The following PCDH9 variants were observed in gnomAD, a reference collection of about 807,000 sequenced individuals.
PCDH9 encodes protocadherin 9.
PCDH9 carries 24 observed loss-of-function variants against 70.6 expected under a neutral mutation model. The observed-to-expected ratio is 0.34, with a 90% CI of 0.25 to 0.48. The LOEUF (loss-of-function observed/expected upper bound fraction) is 0.48. Among genes scored for constraint, PCDH9 ranks in the 20% least tolerant of loss-of-function variants. PCDH9 has a pLI of 0.99. For missense variants in PCDH9, 1,281 were observed against 1,503.6 expected (o/e 0.85, Z 2.45); for synonymous variants, 562 against 558.5 (o/e 1.01, Z -0.09).
At chr13:67,096,137 C>T (rs2086314664) in intron 2 of PCDH9, among the ~76,000 whole-genome samples, 1 of 152,094 alleles carries the variant, frequency 6.6e-6, no homozygotes, top group African/African-American at 2.4e-5. Context: ...AAAACACTTA[C>T]TTAATATCCA....
At chr13:66,462,120 T>C (rs1449156482) in intron 4 of PCDH9, among the ~76,000 whole-genome samples, 1 of 151,800 alleles carries the variant, frequency 6.6e-6, no homozygotes, top group Non-Finnish European at 1.5e-5. Context: ...ACTATGGAAA[T>C]TGGCAGTGTT....
At chr13:67,132,554 G>C (rs940750637) in intron 2 of PCDH9, among the ~76,000 whole-genome samples, 1 of 152,104 alleles carries the variant, frequency 6.6e-6, no homozygotes, top group Non-Finnish European at 1.5e-5. Context: ...AGGCATGTGT[G>C]TCAAATAGGT....
intron 2 of PCDH9, among the ~76,000 whole-genome samples, chr13:67,053,082 G>A (rs1306974542): frequency 6.6e-6 from 1 of 152,048 alleles, no homozygotes; most frequent in African/African-American, 2.4e-5. Context: ...AGGAGCAGGA[G>A]AGAGCTCAAG....
chr13:67,070,328 C>T (rs2085736034), intron 2 of PCDH9, among the ~76,000 whole-genome samples: 3 of 151,886 alleles, frequency 2.0e-5, no homozygotes, highest in Non-Finnish European at 4.4e-5. Context: ...CTCATTTCAC[C>T]CTCACAGGTT....
intron 2 of PCDH9, among the ~76,000 whole-genome samples, chr13:67,113,491 C>CT (rs896613263): frequency 6.6e-6 from 1 of 152,010 alleles, no homozygotes; most frequent in African/African-American, 2.4e-5. Context: ...TTAATAATTA[C>CT]TTTTTTTCCC....
chr13:67,130,473 T>C (rs546232290), intron 2 of PCDH9, among the ~76,000 whole-genome samples: 2 of 152,154 alleles, frequency 1.3e-5, no homozygotes, highest in Admixed American at 1.3e-4. Flanking sequence ...TGCACCATTT[T>C]GTAAGCTCCT....
At chr13:67,005,675 T>C (rs547021273) in intron 2 of PCDH9, among the ~76,000 whole-genome samples, 2 of 152,322 alleles carry the variant, frequency 1.3e-5, no homozygotes, top group East Asian at 3.9e-4. Flanking sequence ...ATTTTAAATA[T>C]CTTCCACAAA....
At chr13:66,946,937 T>A (rs538135413) in intron 2 of PCDH9, among the ~76,000 whole-genome samples, 1 of 152,170 alleles carries the variant, frequency 6.6e-6, no homozygotes, top group African/African-American at 2.4e-5. Flanking sequence ...TCTTTCTTCC[T>A]TAACAAAAAT....
intron 4 of PCDH9, among the ~76,000 whole-genome samples, chr13:66,414,437 G>C (rs868338965): frequency 1.3e-5 from 2 of 152,218 alleles, no homozygotes; most frequent in Non-Finnish European, 1.5e-5. Context: ...GGATAGGAAA[G>C]AGTATGCTCT....
intron 2 of PCDH9, among the ~76,000 whole-genome samples, chr13:67,016,137 G>C (rs2084556272): frequency 6.6e-6 from 1 of 152,094 alleles, no homozygotes; most frequent in Admixed American, 6.6e-5. Context: ...CTTAGCTTTG[G>C]AAGAATTTCA....
At chr13:66,336,822 A>G (rs1471817919) in intron 4 of PCDH9, among the ~76,000 whole-genome samples, 2 of 152,076 alleles carry the variant, frequency 1.3e-5, no homozygotes, top group Non-Finnish European at 2.9e-5. Context: ...GCCCAGAAGC[A>G]TCTTCCTCCT....
At chr13:67,177,563 C>A (rs1465683367) in intron 2 of PCDH9, among the ~76,000 whole-genome samples, 1 of 152,094 alleles carries the variant, frequency 6.6e-6, no homozygotes, top group East Asian at 1.9e-4. Flanking sequence ...ACTCCTCACC[C>A]CATTCCTCTG....
intron 3 of PCDH9, among the ~76,000 whole-genome samples, chr13:66,830,595 G>C (rs1180072628): frequency 1.3e-5 from 2 of 152,054 alleles, no homozygotes; most frequent in Non-Finnish European, 2.9e-5. Flanking sequence ...GAGTCAGTGG[G>C]GATTTAAATT....
chr13:66,739,669 A>G, intron 3 of PCDH9, among the ~76,000 whole-genome samples: 1 of 151,992 alleles, frequency 6.6e-6, no homozygotes, highest in Non-Finnish European at 1.5e-5. Context: ...AATGGAAAAC[A>G]AAAAAGGCAG....
intron 2 of PCDH9, among the ~76,000 whole-genome samples, chr13:67,022,151 A>G (rs2084689778): frequency 1.8e-5 from 1 of 56,108 alleles, no homozygotes; most frequent in African/African-American, 7.2e-5. Flanking sequence ...TTTTTTTGAG[A>G]CAGAGTTTTG....
intron 4 of PCDH9, among the ~76,000 whole-genome samples, chr13:66,569,821 T>TA (rs1346060948): frequency 6.6e-6 from 1 of 152,106 alleles, no homozygotes; most frequent in Non-Finnish European, 1.5e-5. Context: ...ATTGGGAATA[T>TA]AAAAATGGTG....
chr13:66,579,130 G>C (rs1453634104), intron 4 of PCDH9, among the ~76,000 whole-genome samples: 1 of 152,072 alleles, frequency 6.6e-6, no homozygotes, highest in East Asian at 1.9e-4. Context: ...CTACAGGTAC[G>C]TGGTTCCTTA....
chr13:66,498,994 G>A (rs1959160014), intron 4 of PCDH9, among the ~76,000 whole-genome samples: 1 of 151,696 alleles, frequency 6.6e-6, no homozygotes, highest in African/African-American at 2.4e-5. Flanking sequence ...CAAACAGAAT[G>A]AAGTGTTGAA....
chr13:67,060,406 C>T (rs572359835), intron 2 of PCDH9, among the ~76,000 whole-genome samples: 20 of 152,042 alleles, frequency 1.3e-4, no homozygotes, highest in Non-Finnish European at 2.5e-4. Context: ...TCTTCAACCA[C>T]GAACACCTGG....
Sources: allele counts gnomAD v4.1 joint callset (sites outside exome capture counted in the v4.1 genomes callset), GRCh38; gene constraint gnomAD v4.1.1; transcripts MANE v1.5; gene names NCBI Gene and HGNC (gene_info 2026-07-23, HGNC 2026-07-21).